The following NKAIN2 variants were observed in gnomAD, a reference collection of about 807,000 sequenced individuals.
The protein encoded by NKAIN2 is sodium/potassium transporting ATPase interacting 2, also known as sodium/potassium-transporting ATPase subunit beta-1-interacting protein 2.
In NKAIN2, 14 loss-of-function variants were observed where a neutral mutation model predicts 32.6. The ratio of observed to expected loss-of-function variants is 0.43; its 90% CI spans 0.28 to 0.67. NKAIN2 has a LOEUF of 0.67. Among genes scored for constraint, NKAIN2 ranks in the 30% least tolerant of loss-of-function variants. NKAIN2 has a pLI of 0.17. For missense variants in NKAIN2, 198 were observed against 258.3 expected, an observed-to-expected ratio of 0.77 and a Z score of 1.60; for synonymous variants, 80 against 87.2, an observed-to-expected ratio of 0.92 and a Z score of 0.46.
intron 1 of NKAIN2, among the ~76,000 whole-genome samples, chr6:123,949,225 G>A (rs2114578290): frequency 6.6e-6 from 1 of 152,010 alleles, no homozygotes; most frequent in East Asian, 1.9e-4. Flanking sequence ...ACTTGAGTAA[G>A]GTAGTAGTGG....
rs74675859 is a variant in NKAIN2, at chr6:124,625,070, C to A, written c.274-33116C>A. On this transcript the variant is annotated intron_variant, in intron 3 of 6. Transcript: ENST00000368417. ...TATCTAAAATACTAAGTAGGAAGAACAAGTCATTTTCTTGAACATCCTCCT... is the reference window on the plus strand; with the variant it reads ...TATCTAAAATACTAAGTAGGAAGAAAAAGTCATTTTCTTGAACATCCTCCT... Among the ~76,000 whole-genome samples the A allele has an allele frequency of 6.9e-3, 1,047 of 152,110 alleles. 14 individuals carry two copies. The highest frequency in any genetic ancestry group is 0.024 in the African/African-American group (1,011 of 41,508).
At chr6:124,345,147 G>GAA (rs1798341530) in intron 2 of NKAIN2, among the ~76,000 whole-genome samples, 1 of 151,990 alleles carries the variant, frequency 6.6e-6, no homozygotes, top group Non-Finnish European at 1.5e-5. Flanking sequence ...ATTGATTTGC[G>GAA]TGTATTGAAC....
intron 1 of NKAIN2, among the ~76,000 whole-genome samples, chr6:124,245,244 C>T (rs567798648): frequency 1.3e-4 from 20 of 152,182 alleles, no homozygotes; most frequent in African/African-American, 3.6e-4. Flanking sequence ...TACTTTAGCT[C>T]ATACACATCA....
intron 5 of NKAIN2, 140 bp downstream of exon 5, chr6:124,791,539 C>G: frequency 4.0e-6 from 2 of 501,206 alleles, no homozygotes; most frequent in South Asian, 9.3e-5. Context: ...GCCCATCAGA[C>G]TAAAGTGTTT....
intron 3 of NKAIN2, among the ~76,000 whole-genome samples, chr6:124,549,800 G>T (rs143508952): frequency 6.6e-6 from 1 of 152,276 alleles, no homozygotes; most frequent in African/African-American, 2.4e-5. Context: ...TATTGAAAAG[G>T]ATATCACAGA....
At chr6:124,380,088 C>T (rs999371346) in intron 3 of NKAIN2, among the ~76,000 whole-genome samples, 1 of 152,150 alleles carries the variant, frequency 6.6e-6, no homozygotes, top group Non-Finnish European at 1.5e-5. Flanking sequence ...AAATGTGCTC[C>T]ATTGTTGAAT....
At chr6:124,276,222 T>C (rs1394175817) in intron 1 of NKAIN2, among the ~76,000 whole-genome samples, 2 of 152,038 alleles carry the variant, frequency 1.3e-5, no homozygotes, top group Non-Finnish European at 2.9e-5. Context: ...AGACAATTCT[T>C]AGTTCTACTA....
At chr6:124,614,755 C>T (rs1782821809) in intron 3 of NKAIN2, among the ~76,000 whole-genome samples, 2 of 152,152 alleles carry the variant, frequency 1.3e-5, no homozygotes, top group Non-Finnish European at 2.9e-5. Context: ...CTAACAGCCT[C>T]CTGAAAATCT....
rs536777155 is a variant in NKAIN2 at position 124,010,235 on chromosome 6, C to T, written c.54+205981C>T. Among the ~76,000 whole-genome samples, 12 of 152,164 alleles carry T rather than the reference C, an allele frequency of 7.9e-5. No individual in the cohort carries two copies. The South Asian group carries it at 2.5e-3, about 32-fold the overall frequency. On this transcript the variant is annotated intron_variant, in intron 1 of 6. Transcript: ENST00000368417. ...TCAAAGGGAATTTGTAATAAGACTTCACTTTCCCCTGAGCACAGATCAAAG... is the reference window on the plus strand; with the variant it reads ...TCAAAGGGAATTTGTAATAAGACTTTACTTTCCCCTGAGCACAGATCAAAG...
intron 1 of NKAIN2, among the ~76,000 whole-genome samples, chr6:123,867,869 T>TC (rs1338865022): frequency 1.3e-5 from 2 of 150,776 alleles, no homozygotes; most frequent in Non-Finnish European, 3.0e-5. Flanking sequence ...TTCATTTTTT[T>TC]TTTTTTTTTT....
chr6:124,096,563 A>G (rs1310274785), intron 1 of NKAIN2, among the ~76,000 whole-genome samples: 1 of 152,140 alleles, frequency 6.6e-6, no homozygotes, highest in Non-Finnish European at 1.5e-5. Context: ...CTCCATGTTC[A>G]TCTTCCCCAG....
In NKAIN2 at chr6:124,730,241, C is replaced by T. The variant is rs1475092649; in HGVS notation, c.475-61098C>T. Among the ~76,000 whole-genome samples the T allele has an allele frequency of 1.9e-4, 18 of 95,558 alleles. 3 individuals are homozygous for T. Among genetic ancestry groups the T allele is most frequent in the Admixed American group, 5.9e-4 (5 of 8,486 alleles). The allele number at this position is 95,558 out of a possible 152,430, so 62.7% of individuals were successfully genotyped here. A position where few individuals can be genotyped will look rare whatever the true frequency, so the allele number is the denominator to read the frequency against. On this transcript the variant is annotated intron_variant, in intron 4 of 6. Coordinates refer to ENST00000368417, the MANE Select transcript of NKAIN2 (RefSeq NM_001040214.3). ...GTTCATATGGAACCAAAAAAGAGCC[C>T]GCATCGCCAAGTCAATCCTAAGCCA...
intron 4 of NKAIN2, among the ~76,000 whole-genome samples, chr6:124,779,570 A>G (rs541791246): frequency 2.0e-5 from 3 of 152,268 alleles, no homozygotes; most frequent in African/African-American, 4.8e-5. Flanking sequence ...ATGGCCTCCA[A>G]TTGATTTTGA....
chr6:124,117,013 A>C (rs1158636360), intron 1 of NKAIN2, among the ~76,000 whole-genome samples: 1 of 152,128 alleles, frequency 6.6e-6, no homozygotes, highest in East Asian at 1.9e-4. Context: ...AATTCTGCTT[A>C]TTTCTTAAAG....
chr6:124,708,382 G>T (rs1775220985), intron 4 of NKAIN2, among the ~76,000 whole-genome samples: 1 of 151,614 alleles, frequency 6.6e-6, no homozygotes, highest in South Asian at 2.1e-4. Flanking sequence ...TGTGAAGAAA[G>T]TCATTGGTAG....
intron 4 of NKAIN2, among the ~76,000 whole-genome samples, chr6:124,767,052 G>A (rs367674362): frequency 6.6e-6 from 1 of 151,872 alleles, no homozygotes; most frequent in African/African-American, 2.4e-5. Context: ...CCGCCATCAC[G>A]CCCGGGTAAT....
intron 1 of NKAIN2, among the ~76,000 whole-genome samples, chr6:124,172,423 A>G (rs533919892): frequency 1.1e-4 from 16 of 152,114 alleles, no homozygotes; most frequent in Non-Finnish European, 2.2e-4. Flanking sequence ...GAGTTCTCCT[A>G]CGTAAGTTTC....
At chr6:124,467,290 G>C (rs1178533549) in intron 3 of NKAIN2, among the ~76,000 whole-genome samples, 4 of 151,978 alleles carry the variant, frequency 2.6e-5, no homozygotes, top group Non-Finnish European at 5.9e-5. Flanking sequence ...AATTATCCAA[G>C]AAAACAACAT....
intron 1 of NKAIN2, among the ~76,000 whole-genome samples, chr6:123,864,461 C>G (rs868347323): frequency 9.2e-5 from 14 of 152,236 alleles, no homozygotes; most frequent in African/African-American, 3.1e-4. Flanking sequence ...AACTGAGTCC[C>G]TATTCTTATG....
Sources: gnomAD v4.1 joint callset for allele counts (sites outside exome capture counted in the v4.1 genomes callset) on GRCh38, gnomAD v4.1.1 for gene constraint, MANE v1.5 for transcripts, NCBI Gene and HGNC (gene_info 2026-07-23, HGNC 2026-07-21) for gene names.